The following MYH9 variants were observed in gnomAD, a reference collection of about 807,000 sequenced individuals.
MYH9 encodes the protein myosin heavy chain 9.
Under a neutral mutation model 241.9 loss-of-function variants are expected in MYH9, and 29 were observed. That is an observed-to-expected ratio of 0.12 (90% confidence interval 0.09 to 0.16). The LOEUF (loss-of-function observed/expected upper bound fraction) is 0.16. Among genes scored for constraint, MYH9 ranks in the 10% least tolerant of loss-of-function variants. MYH9 has a pLI of 1.00. For synonymous variants in MYH9, 1,047 were observed against 1,062.6 expected (o/e 0.99, Z 0.29); for missense variants, 1,803 against 2,595.5 (o/e 0.69, Z 6.63).
chr22:36,379,788 G>C (rs2018227022), intron 1 of MYH9, among the ~76,000 whole-genome samples: 1 of 152,228 alleles, frequency 6.6e-6, no homozygotes. Flanking sequence ...TAGAGATGCA[G>C]ACAGCCACTG....
In MYH9 at chr22:36,320,134, G is replaced by A. The variant is rs753584075; in HGVS notation, c.1012+86C>T. ...CCCTGGCCTCTAGCAGGCTCCCCAG[G>A]CCCATCGGCTACCCTGATGCCCCGA... On this transcript the variant is annotated intron_variant, in intron 9 of 40. Coordinates refer to ENST00000216181, the MANE Select transcript of MYH9 (RefSeq NM_002473.6). The surrounding 1 kb of genome is among the most constrained non-coding windows in gnomAD (Gnocchi z 4.8). The A allele has an allele frequency of 1.6e-5, 25 of 1,577,960 alleles. No individual in the cohort carries two copies. The highest frequency in any genetic ancestry group is 2.1e-5 in the Non-Finnish European group (24 of 1,159,978).
intron 5 of MYH9, 150 bp downstream of exon 5, chr22:36,326,418 C>T (rs2146369099): frequency 1.2e-6 from 1 of 808,532 alleles, no homozygotes; most frequent in East Asian, 2.5e-5. Context: ...ACAGGCCACG[C>T]CACTGCCTCA....
intron 1 of MYH9, among the ~76,000 whole-genome samples, chr22:36,354,264 G>C (rs1322194483): frequency 6.6e-6 from 1 of 151,928 alleles, no homozygotes; most frequent in African/African-American, 2.4e-5. Context: ...TGGTGGCCCT[G>C]AGAGAAAGTA....
rs1569534975 is a variant in MYH9 at position 36,294,235 on chromosome 22, C to T, written c.3694G>A (p.Glu1232Lys). 2 of 1,614,152 alleles carry T rather than the reference C, an allele frequency of 1.2e-6. No individual in the cohort carries two copies. The highest frequency in any genetic ancestry group is 8.5e-7 in the Non-Finnish European group (1 of 1,180,038). ...LENERGELAN[E>K]VKVLLQGKGD... ...TTGCCCTGCAGCAGCACCTTCACCT[C>T]GTTGGCCAGCTCCCCCCGCTCGTTC... The change falls in exon 28 of 41, where the codon GAG becomes AAG. Residue 1232 changes from glutamate to lysine, a missense_variant. This residue lies in a region of MYH9 where 876 missense variants were observed against 1,077.8 expected (regional missense o/e 0.81). Transcript: ENST00000216181.
In MYH9 at chr22:36,305,457, T is replaced by G. The variant is rs1219371150; in HGVS notation, c.2160-355A>C. On this transcript the variant is annotated intron_variant, in intron 17 of 40. Transcript: ENST00000216181. This position sits in a 1 kb window ranked among gnomAD's most constrained non-coding sequence, Gnocchi z 4.7. ...TCCCTGGGACGCTGCAGGGAGCTGC[T>G]AATAAACAGAGATGGCCCAAGAAAT... 6.6e-6 allele frequency among the ~76,000 whole-genome samples: 1 copy of G among 152,140 alleles called. No homozygotes were observed. Among genetic ancestry groups the G allele is most frequent in the Admixed American group, 6.5e-5 (1 of 15,278 alleles).
rs756355713 is a variant in MYH9 at position 36,296,945 on chromosome 22, G to T, written c.3170C>A (p.Ser1057Tyr). 6.2e-7 allele frequency: 1 copy of T among 1,614,136 alleles called. No individual in the cohort carries two copies. The highest frequency in any genetic ancestry group is 8.5e-7 in the Non-Finnish European group (1 of 1,180,016). Residue 1057 changes from serine to tyrosine, a missense_variant, in exon 25 of 41, where the codon TCC (serine) becomes TAC (tyrosine). By Grantham distance (144) the Ser-to-Tyr change is moderately radical. Transcript: ENST00000216181. The part of the protein sequence containing the change: ...EKTRRKLEGD[S>Y]TDLSDQIAEL... Reference sequence around the variant, plus strand: ...GGCGATCTGGTCGCTGAGGTCTGTGGAGTCTCCCTCCAGCTTCCGGCGGGT... The same window carrying T: ...GGCGATCTGGTCGCTGAGGTCTGTGTAGTCTCCCTCCAGCTTCCGGCGGGT...
chr22:36,354,231 A>G (rs566394897), intron 1 of MYH9, among the ~76,000 whole-genome samples: 1 of 151,782 alleles, frequency 6.6e-6, no homozygotes, highest in African/African-American at 2.4e-5. Context: ...AATTTTATCC[A>G]ACCCATTTTA....
chr22:36,300,294 A>G lies in MYH9; in HGVS notation c.2839-30T>C. On this transcript the variant is annotated intron_variant, in intron 22 of 40. Transcript: ENST00000216181. The surrounding 1 kb of genome is among the most constrained non-coding windows in gnomAD (Gnocchi z 5.0). ...CGGGGGCCAGAGACACGGTAAGGAC[A>G]GCAGGCCCAGAGGCATGGCCAAGGT... is the stretch of plus-strand genomic sequence containing the variant. The G allele has an allele frequency of 6.2e-7, 1 of 1,610,530 alleles. No individual in the cohort carries two copies. The highest frequency in any genetic ancestry group is 8.5e-7 in the Non-Finnish European group (1 of 1,179,982).
chr22:36,331,067 C>G (rs2017412695), intron 3 of MYH9, among the ~76,000 whole-genome samples: 1 of 152,138 alleles, frequency 6.6e-6, no homozygotes, highest in African/African-American at 2.4e-5. Flanking sequence ...CCTCAGAGCA[C>G]AGTTTGACAA....
chr22:36,292,661 A>G (rs1332693652), intron 30 of MYH9, among the ~76,000 whole-genome samples: 1 of 152,024 alleles, frequency 6.6e-6, no homozygotes, highest in African/African-American at 2.4e-5. Context: ...TGTGGAATGG[A>G]CTCCCAGCCC....
chr22:36,380,541 G>A (rs1485337797), intron 1 of MYH9, among the ~76,000 whole-genome samples: 1 of 152,164 alleles, frequency 6.6e-6, no homozygotes, highest in African/African-American at 2.4e-5. Context: ...AGGAGTTCGA[G>A]ACCAGCCTGG....
At chr22:36,360,428 C>G (rs1361768361) in intron 1 of MYH9, among the ~76,000 whole-genome samples, 1 of 152,050 alleles carries the variant, frequency 6.6e-6, no homozygotes, top group Non-Finnish European at 1.5e-5. Flanking sequence ...ATCTGCTTAA[C>G]TTAGGCCGGG....
At chr22:36,313,076 A>G (rs5756139) in intron 13 of MYH9, among the ~76,000 whole-genome samples, 78,892 of 148,348 alleles carry the variant, frequency 0.53, 23,453 homozygotes, top group Non-Finnish European at 0.68. Flanking sequence ...GGCGACAAGA[A>G]CAAAAATCTG....
chr22:36,309,528 C>T (rs1044950607), intron 14 of MYH9, 132 bp from the exon 15 acceptor site: 6 of 715,622 alleles, frequency 8.4e-6, no homozygotes, highest in Non-Finnish European at 1.5e-5. Context: ...CCAGCATTTC[C>T]ACCCCTAAGA....
In MYH9 at chr22:36,298,905, C is replaced by T. The variant is rs755077633; in HGVS notation, c.3100+14G>A. The T allele has an allele frequency of 8.7e-6, 14 of 1,613,174 alleles. No homozygotes were observed. The highest frequency in any genetic ancestry group is 6.6e-5 in the South Asian group (6 of 91,034). On this transcript the variant is annotated intron_variant, in intron 24 of 40. Transcript: ENST00000216181. The stretch of plus-strand genomic sequence containing the variant: ...CAGCCCCTGCCCATCACCTCCTGCT[C>T]GTCACCCCCTCACCTTCCAAGTCAG...
chr22:36,342,647 A>G (rs1391166344), intron 2 of MYH9, among the ~76,000 whole-genome samples: 2 of 151,340 alleles, frequency 1.3e-5, no homozygotes, highest in African/African-American at 2.4e-5. Flanking sequence ...AAAAAAAAAG[A>G]TTCCTAAAAG....
Position 36,288,111 on chromosome 22 carries a change from G to C in MYH9, c.4932+141C>G, listed in dbSNP as rs2016619145. ...TGAGCCTCTGAGTCTCTGTCAGTGA[G>C]ATGGGGCTGGAAGCACCCAGGACCT... On this transcript the variant is annotated intron_variant, in intron 34 of 40. Coordinates refer to ENST00000216181, the MANE Select transcript of MYH9 (RefSeq NM_002473.6). The surrounding 1 kb of genome is among the most constrained non-coding windows in gnomAD (Gnocchi z 4.8). The C allele has an allele frequency of 2.1e-6, 2 of 971,876 alleles. No homozygotes were observed. Among genetic ancestry groups the C allele is most frequent in the Admixed American group, 1.9e-5 (1 of 52,388 alleles). The allele number at this position is 971,876 out of a possible 1,614,324, so 60.2% of individuals were successfully genotyped here.
At chr22:36,302,789 A>G in intron 19 of MYH9, 113 bp from the exon 20 acceptor site, 1 of 867,374 alleles carries the variant, frequency 1.2e-6, no homozygotes, top group Non-Finnish European at 1.9e-6. Flanking sequence ...GGGGCACCTC[A>G]AGAAAGAAAT....
rs4821481 is a variant in MYH9 at position 36,299,896 on chromosome 22, C to T, written c.2976+231G>A. 0.79 allele frequency among the ~76,000 whole-genome samples: 120,435 copies of T among 152,168 alleles called. 52,789 individuals are homozygous for T. Among genetic ancestry groups the T allele is most frequent in the East Asian group, 1 (5,162 of 5,168 alleles). On this transcript the variant is annotated intron_variant, in intron 23 of 40. Transcript: ENST00000216181. ...TCACGGCTGGCAAAGAAGAGCTTTCCAGAGGGGAAAGGACAAACCCTTCCC... is the reference window on the plus strand; with the variant it reads ...TCACGGCTGGCAAAGAAGAGCTTTCTAGAGGGGAAAGGACAAACCCTTCCC...
Sources: gnomAD v4.1 joint callset for allele counts (sites outside exome capture counted in the v4.1 genomes callset) on GRCh38, gnomAD v4.1.1 for gene constraint, gnomAD v4.1.1 regional missense constraint, Gnocchi (gnomAD v3.1) non-coding constraint, MANE v1.5 for transcripts, NCBI Gene and HGNC (gene_info 2026-07-23, HGNC 2026-07-21) for gene names.